JPH2: variants seen among roughly 807,000 people sequenced by gnomAD.
JPH2 encodes junctophilin-2.
In JPH2, 38 loss-of-function variants were observed where a neutral mutation model predicts 55.9. That is an observed-to-expected ratio of 0.68 (90% CI 0.52 to 0.89). JPH2 has a LOEUF of 0.89. Among genes scored for constraint, JPH2 ranks in the 40% least tolerant of loss-of-function variants. The pLI is 0.00. For missense variants in JPH2, 964 were observed against 1,037.6 expected (o/e 0.93, Z 0.97); for synonymous variants, 480 against 472.4 (o/e 1.02, Z -0.21).
At chr20:44,148,789 C>T (rs1219627938) in intron 2 of JPH2, among the ~76,000 whole-genome samples, 1 of 152,054 alleles carries the variant, frequency 6.6e-6, no homozygotes, top group Non-Finnish European at 1.5e-5. Context: ...ATCGGCCGGG[C>T]GTGGTGGCTC....
In JPH2 at chr20:44,187,058, A is replaced by C; in HGVS notation, c.-353T>G. On this transcript the variant is annotated 5_prime_UTR_variant, in exon 1 of 6. Coordinates refer to ENST00000372980, the MANE Select transcript of JPH2 (RefSeq NM_020433.5). Reference sequence around the variant, plus strand: ...GTGATCTCTTTAAGAAGCCCAGTGAAAGGGTGGGGTGGAGGGGTCCCCAGC... The same window carrying C: ...GTGATCTCTTTAAGAAGCCCAGTGACAGGGTGGGGTGGAGGGGTCCCCAGC... 3.6e-6 allele frequency: 1 copy of C among 279,316 alleles called. No homozygotes were observed. The highest frequency in any genetic ancestry group is 6.8e-6 in the Non-Finnish European group (1 of 147,102). 17.3% of individuals were successfully genotyped at this position (279,316 alleles called of 1,614,324 possible).
intron 2 of JPH2, among the ~76,000 whole-genome samples, chr20:44,157,905 A>G (rs1186135255): frequency 6.6e-6 from 1 of 151,460 alleles, no homozygotes; most frequent in East Asian, 1.9e-4. Flanking sequence ...GCCAGACCAC[A>G]CTGCTGCTGT....
intron 1 of JPH2, chr20:44,178,021 C>G (rs755325506): frequency 2.4e-6 from 2 of 828,960 alleles, no homozygotes; most frequent in East Asian, 2.4e-5. Flanking sequence ...ATGGTGCACC[C>G]AGGTTCATAT....
chr20:44,177,893 T>C lies in JPH2; in HGVS notation c.379+8434A>G, dbSNP rs537427212. ...GGAATATATATTTTGGCATTTCCTA[T>C]GTGCCAGGCATGATGCTCAGTGCTT... On this transcript the variant is annotated intron_variant, in intron 1 of 5. Coordinates refer to ENST00000372980, the MANE Select transcript of JPH2 (RefSeq NM_020433.5). 4 of 1,591,762 alleles carry C rather than the reference T, an allele frequency of 2.5e-6. No homozygotes were observed. In the South Asian group the frequency reaches 3.3e-5, roughly 13 times the overall value.
chr20:44,115,450 G>A (rs1396513979), intron 4 of JPH2, among the ~76,000 whole-genome samples: 1 of 152,170 alleles, frequency 6.6e-6, no homozygotes, highest in Non-Finnish European at 1.5e-5. Flanking sequence ...AAGGTAGGAG[G>A]ACTCCATGCG....
At chr20:44,162,779 TATATATATACACACACAC>T (rs1171063273) in intron 1 of JPH2, among the ~76,000 whole-genome samples, 4 of 79,780 alleles carry the variant, frequency 5.0e-5, no homozygotes, top group African/African-American at 2.1e-4. Context: ...TATATATATA[TATATATATACACACACAC>T]ACACACACAC....
intron 3 of JPH2, among the ~76,000 whole-genome samples, chr20:44,116,617 GGTTAAAT>G (rs2072195088): frequency 1.3e-5 from 2 of 152,210 alleles, no homozygotes; most frequent in Admixed American, 1.3e-4. Context: ...GGCTCTGAGA[GGTTAAAT>G]CACTTGCCCA....
intron 2 of JPH2, among the ~76,000 whole-genome samples, chr20:44,153,955 T>G (rs778224945): frequency 6.6e-6 from 1 of 152,154 alleles, no homozygotes; most frequent in Non-Finnish European, 1.5e-5. Context: ...CTGAAAACTT[T>G]AGGCGCCTCC....
chr20:44,145,098 C>T (rs1182896186), intron 2 of JPH2, among the ~76,000 whole-genome samples: 1 of 152,182 alleles, frequency 6.6e-6, no homozygotes, highest in Non-Finnish European at 1.5e-5. Context: ...GGGGCAGCCA[C>T]TAGCATTCTC....
rs1027136486 is a variant in JPH2 at position 44,109,110 on chromosome 20, T to C, written c.*4408A>G. ...TGGCTCATCTGCAGTGATGGGAAGC[T>C]CACTCTTTCATGGTGGGAGCAGTGT... On this transcript the variant is annotated 3_prime_UTR_variant, in exon 6 of 6. Transcript: ENST00000372980. Among the ~76,000 whole-genome samples the C allele has an allele frequency of 6.6e-6, 1 of 152,124 alleles. No homozygotes were observed. Among genetic ancestry groups the C allele is most frequent in the African/African-American group, 2.4e-5 (1 of 41,424 alleles).
In JPH2 at chr20:44,109,667, T is replaced by C. The variant is rs1160521420; in HGVS notation, c.*3851A>G. Among the ~76,000 whole-genome samples the C allele has an allele frequency of 1.3e-5, 2 of 152,306 alleles. No individual in the cohort carries two copies. The highest frequency in any genetic ancestry group is 1.3e-4 in the Admixed American group (2 of 15,304). The stretch of plus-strand genomic sequence containing the variant: ...AGAGCTATTTTAATTTCAGCATACA[T>C]GCAAGTTTTATGTTTTACAGTTTAG... On this transcript the variant is annotated 3_prime_UTR_variant, in exon 6 of 6. Coordinates refer to ENST00000372980, the MANE Select transcript of JPH2 (RefSeq NM_020433.5).
At chr20:44,118,672 C>G (rs1234428117) in intron 2 of JPH2, 49 bp from the exon 3 acceptor site, 4 of 1,392,480 alleles carry the variant, frequency 2.9e-6, no homozygotes, top group East Asian at 2.3e-5. Flanking sequence ...AGAGAACCAG[C>G]CTTCTGCCCC....
At chr20:44,162,161 T>G (rs2072615259) in intron 1 of JPH2, among the ~76,000 whole-genome samples, 1 of 152,218 alleles carries the variant, frequency 6.6e-6, no homozygotes, top group Non-Finnish European at 1.5e-5. Flanking sequence ...AGCTGATACA[T>G]TCTCCCTAGT....
chr20:44,181,800 T>G (rs1027413181), intron 1 of JPH2, among the ~76,000 whole-genome samples: 10 of 152,176 alleles, frequency 6.6e-5, no homozygotes, highest in African/African-American at 2.4e-4. Flanking sequence ...TGCCTGCGTC[T>G]GGTCAGCTGC....
In JPH2 at chr20:44,179,660, A is replaced by T. The variant is rs2072764469; in HGVS notation, c.379+6667T>A. 2.0e-5 allele frequency among the ~76,000 whole-genome samples: 3 copies of T among 152,322 alleles called. No homozygotes were observed. The South Asian group carries it at 6.2e-4, about 32-fold the overall frequency. ...CTTAAAATTCTTAATGATTTTAAAG[A>T]AGGGGTCCACATTTTCATTTTGCAC... On this transcript the variant is annotated intron_variant, in intron 1 of 5. Coordinates refer to ENST00000372980, the MANE Select transcript of JPH2 (RefSeq NM_020433.5).
chr20:44,187,076 T>C lies in JPH2; in HGVS notation c.-371A>G, dbSNP rs2072854887. On this transcript the variant is annotated 5_prime_UTR_variant, in exon 1 of 6. Coordinates refer to ENST00000372980, the MANE Select transcript of JPH2 (RefSeq NM_020433.5). ...CCAGTGAAAGGGTGGGGTGGAGGGG[T>C]CCCCAGCCTTTTCAAAGAGGGGAAA... The C allele has an allele frequency of 4.6e-6, 1 of 219,032 alleles. No homozygotes were observed. Among genetic ancestry groups the C allele is most frequent in the Non-Finnish European group, 9.0e-6 (1 of 111,226 alleles). 13.6% of individuals were successfully genotyped at this position (219,032 alleles called of 1,614,324 possible).
In JPH2 at chr20:44,118,600, G is replaced by A; in HGVS notation, c.1193C>T (p.Ala398Val). Residue 398 changes from alanine to valine, a missense_variant, in exon 3 of 6, where the codon GCT (alanine) becomes GTT (valine). Physicochemically the swap from Ala to Val is moderately conservative, Grantham distance 64 (BLOSUM62 0). Coordinates refer to ENST00000372980, the MANE Select transcript of JPH2 (RefSeq NM_020433.5). ...ASRTSHAKAK[A>V]EAAEQAALAA... ...CAGGGCGGCCTGTTCCGCTGCCTCA[G>A]CTTTGGCCTTGGCGTGGCTTGTCCT... 1.2e-6 allele frequency: 2 copies of A among 1,611,716 alleles called. No individual in the cohort carries two copies. The highest frequency in any genetic ancestry group is 1.1e-5 in the South Asian group (1 of 91,086).
intron 2 of JPH2, among the ~76,000 whole-genome samples, chr20:44,148,379 G>A (rs1030681742): frequency 4.6e-5 from 7 of 152,086 alleles, no homozygotes; most frequent in Non-Finnish European, 1.0e-4. Context: ...TGGATGCTGA[G>A]GCTGGGTCAG....
At chr20:44,123,151 G>A (rs6103633) in intron 2 of JPH2, among the ~76,000 whole-genome samples, 2,224 of 152,226 alleles carry the variant, frequency 0.015, 55 homozygotes, top group African/African-American at 0.052. Flanking sequence ...CATACTCCCT[G>A]TCCATCTCCA....
Sources: gnomAD v4.1 joint callset for allele counts (sites outside exome capture counted in the v4.1 genomes callset) on GRCh38, gnomAD v4.1.1 for gene constraint, MANE v1.5 for transcripts, NCBI Gene and HGNC (gene_info 2026-07-23, HGNC 2026-07-21) for gene names.